The following PRELID2 variants were observed in gnomAD, a reference collection of about 807,000 sequenced individuals.
The protein encoded by PRELID2 is PRELI domain containing 2, also known as PRELI domain-containing protein 2.
In PRELID2, 25 loss-of-function variants were observed where a neutral mutation model predicts 28.4. The ratio of observed to expected loss-of-function variants is 0.88; its 90% CI spans 0.64 to 1.23. The LOEUF (loss-of-function observed/expected upper bound fraction) is 1.23, where lower values mean the gene tolerates loss of function less well. Among genes scored for constraint, PRELID2 ranks in the 50% most tolerant of loss-of-function variants. The pLI is 0.00. For synonymous variants in PRELID2, 76 were observed against 71.6 expected, an observed-to-expected ratio of 1.06 and a Z score of -0.31; for missense variants, 201 against 214.4, an observed-to-expected ratio of 0.94 and a Z score of 0.39.
chr5:145,301,961 T>A, the PRELID2 span, among the ~76,000 whole-genome samples: 2 of 133,588 alleles, frequency 1.5e-5, no homozygotes, highest in African/African-American at 5.5e-5. Context: ...CTAACTCTGG[T>A]AATTTGCATT....
the PRELID2 span, among the ~76,000 whole-genome samples, chr5:145,287,823 A>G: frequency 6.6e-6 from 1 of 152,120 alleles, no homozygotes; most frequent in Admixed American, 6.6e-5. Context: ...AAGATCTCAC[A>G]TTACATTTAG....
At chr5:145,410,090 G>T in the PRELID2 span, among the ~76,000 whole-genome samples, 12 of 152,106 alleles carry the variant, frequency 7.9e-5, no homozygotes, top group Non-Finnish European at 1.6e-4. Flanking sequence ...AATGGTGCTG[G>T]GATACTTGGT....
At chr5:145,817,287 A>G (rs1754417358) in intron 4 of PRELID2, among the ~76,000 whole-genome samples, 1 of 142,518 alleles carries the variant, frequency 7.0e-6, no homozygotes, top group African/African-American at 2.5e-5. Flanking sequence ...CAAGGAAGAT[A>G]TGCTTCACAA....
At chr5:145,547,577 G>T (rs1304597080) in intron 1 of PRELID2, among the ~76,000 whole-genome samples, 1 of 152,022 alleles carries the variant, frequency 6.6e-6, no homozygotes, top group Non-Finnish European at 1.5e-5. Flanking sequence ...TCTTGCAAGC[G>T]CAGTTGAACT....
At chr5:145,734,010 C>T (rs1024687274) in intron 1 of PRELID2, among the ~76,000 whole-genome samples, 3 of 152,056 alleles carry the variant, frequency 2.0e-5, no homozygotes, top group African/African-American at 4.8e-5. Context: ...TAGGGGCCAG[C>T]GACAAGCTAA....
chr5:145,585,165 C>T (rs1289761895), intron 1 of PRELID2, among the ~76,000 whole-genome samples: 1 of 152,056 alleles, frequency 6.6e-6, no homozygotes, highest in Non-Finnish European at 1.5e-5. Flanking sequence ...AGCCATTATC[C>T]TCAGCAAACT....
chr5:145,316,240 A>G, the PRELID2 span, among the ~76,000 whole-genome samples: 1 of 152,214 alleles, frequency 6.6e-6, no homozygotes, highest in Non-Finnish European at 1.5e-5. Context: ...TGTAGAGTAA[A>G]CTTTAAAATG....
chr5:145,823,229 T>C (rs1754952753), intron 1 of PRELID2, 95 bp from the exon 2 acceptor site: 7 of 608,592 alleles, frequency 1.2e-5, no homozygotes, highest in Non-Finnish European at 2.1e-5. Flanking sequence ...CTAGTAAATA[T>C]TTTCCAAGAA....
chr5:145,438,769 A>T, the PRELID2 span, among the ~76,000 whole-genome samples: 1 of 152,134 alleles, frequency 6.6e-6, no homozygotes, highest in Non-Finnish European at 1.5e-5. Context: ...AAACCTGTTG[A>T]ACTGCAGCTA....
the PRELID2 span, among the ~76,000 whole-genome samples, chr5:145,247,245 G>C: frequency 6.6e-6 from 1 of 152,158 alleles, no homozygotes; most frequent in African/African-American, 2.4e-5. Context: ...CTCAATTCCC[G>C]AGCCCCTACT....
the PRELID2 span, among the ~76,000 whole-genome samples, chr5:145,383,886 GTA>G: frequency 2.3e-3 from 347 of 151,712 alleles, 1 homozygote; most frequent in African/African-American, 7.7e-3. Flanking sequence ...ATGTATGTGT[GTA>G]TATATATATG....
the PRELID2 span, among the ~76,000 whole-genome samples, chr5:145,458,346 CT>C: frequency 1.8e-4 from 27 of 152,190 alleles, no homozygotes; most frequent in Middle Eastern, 3.2e-3. Flanking sequence ...CATTTCAATG[CT>C]GTTTAATAAA....
chr5:145,765,469 G>C (rs908251282), intron 5 of PRELID2, among the ~76,000 whole-genome samples: 2 of 152,100 alleles, frequency 1.3e-5, no homozygotes, highest in African/African-American at 2.4e-5. Context: ...CAAGACTGTA[G>C]GCTGCTGCTG....
At chr5:145,719,013 C>T (rs1306719145) in intron 1 of PRELID2, among the ~76,000 whole-genome samples, 2 of 151,968 alleles carry the variant, frequency 1.3e-5, no homozygotes, top group Non-Finnish European at 2.9e-5. Context: ...AAGAGTTCTG[C>T]TTTCTGGGTA....
chr5:145,289,252 C>A, the PRELID2 span, among the ~76,000 whole-genome samples: 1,802 of 152,140 alleles, frequency 0.012, 15 homozygotes, highest in Middle Eastern at 0.027. Flanking sequence ...AGAATAGTTT[C>A]TCTGGCTGAA....
At chr5:145,570,481 T>C (rs1365961663) in intron 1 of PRELID2, among the ~76,000 whole-genome samples, 70 of 152,334 alleles carry the variant, frequency 4.6e-4, no homozygotes, top group Non-Finnish European at 5.9e-5. Context: ...ACAAGCATTA[T>C]AATAATGAGG....
At chr5:145,568,312 G>A (rs748898195) in intron 1 of PRELID2, among the ~76,000 whole-genome samples, 24 of 152,244 alleles carry the variant, frequency 1.6e-4, no homozygotes, top group South Asian at 4.1e-4. Flanking sequence ...AGATGTTAGC[G>A]TCTATTGTAA....
chr5:145,566,522 G>A (rs1752968596), intron 1 of PRELID2, among the ~76,000 whole-genome samples: 1 of 152,106 alleles, frequency 6.6e-6, no homozygotes, highest in Admixed American at 6.6e-5. Context: ...AAGATACAAG[G>A]AGAATAATCT....
intron 1 of PRELID2, among the ~76,000 whole-genome samples, chr5:145,716,748 A>G (rs1251137900): frequency 1.3e-5 from 2 of 152,170 alleles, no homozygotes; most frequent in African/African-American, 2.4e-5. Context: ...ATATTTTTGT[A>G]ATATTAATAA....
Sources: allele counts gnomAD v4.1 joint callset (sites outside exome capture counted in the v4.1 genomes callset), GRCh38; gene constraint gnomAD v4.1.1; transcripts MANE v1.5; gene names NCBI Gene and HGNC (gene_info 2026-07-23, HGNC 2026-07-21).